Variants in GLT1D1 observed in about 807,000 individuals in gnomAD.
The protein encoded by GLT1D1 is glycosyltransferase 1 domain-containing protein 1.
GLT1D1 carries 21 observed loss-of-function variants against 28.7 expected under a neutral mutation model. That is an observed-to-expected ratio of 0.73 (90% CI 0.52 to 1.05). The LOEUF (loss-of-function observed/expected upper bound fraction) is 1.05. GLT1D1 is among the 50% of genes least tolerant of loss of function. The pLI, the probability that GLT1D1 is intolerant of heterozygous loss-of-function variation, is 0.00. For missense variants in GLT1D1, 343 were observed against 330.6 expected (o/e 1.04, Z -0.29); for synonymous variants, 147 against 124.8 (o/e 1.18, Z -1.19).
rs1363451472 is a variant in GLT1D1 at position 128,954,679 on chromosome 12, G to A, written c.541-2866G>A. 2.0e-5 allele frequency among the ~76,000 whole-genome samples: 3 copies of A among 152,200 alleles called. No individual in the cohort carries two copies. In the East Asian group the frequency reaches 5.8e-4, roughly 29 times the overall value. The stretch of plus-strand genomic sequence containing the variant: ...AAGCCATTTAATCTGGACAAGCACG[G>A]TAGCTCACACCTGTAATCCCAACAG... On this transcript the variant is annotated intron_variant, in intron 6 of 7. Transcript: ENST00000281703.
At chr12:128,964,612 C>T (rs1358017701) in intron 7 of GLT1D1, among the ~76,000 whole-genome samples, 3 of 152,190 alleles carry the variant, frequency 2.0e-5, no homozygotes, top group Non-Finnish European at 2.9e-5. Context: ...TCCAGGACGT[C>T]AACACCTTCA....
intron 3 of GLT1D1, among the ~76,000 whole-genome samples, chr12:128,898,223 A>G (rs982061286): frequency 6.7e-6 from 1 of 150,336 alleles, no homozygotes; most frequent in South Asian, 2.1e-4. Context: ...CCCAAGCTGG[A>G]GTGCAGTGGC....
intron 3 of GLT1D1, 74 bp downstream of exon 3, chr12:128,888,818 G>A (rs1252974104): frequency 7.1e-6 from 7 of 980,196 alleles, no homozygotes; most frequent in Non-Finnish European, 1.1e-5. Context: ...ACCAAAGACC[G>A]AGGGCACCAA....
intron 7 of GLT1D1, among the ~76,000 whole-genome samples, chr12:128,975,290 G>T (rs1001109591): frequency 2.0e-5 from 3 of 152,126 alleles, no homozygotes; most frequent in African/African-American, 7.2e-5. Context: ...GTCAAGCATC[G>T]TGAGTAGGGG....
chr12:128,892,984 G>T (rs1869229241), intron 3 of GLT1D1, among the ~76,000 whole-genome samples: 1 of 152,122 alleles, frequency 6.6e-6, no homozygotes, highest in Non-Finnish European at 1.5e-5. Context: ...GATGGCTAAT[G>T]CCTGTAATCC....
At chr12:128,947,938 G>A (rs747238588) in intron 6 of GLT1D1, among the ~76,000 whole-genome samples, 8 of 152,182 alleles carry the variant, frequency 5.3e-5, no homozygotes, top group Non-Finnish European at 7.3e-5. Flanking sequence ...ACGGGGTGGC[G>A]TGGGGGCCAG....
chr12:128,945,774 C>G (rs1447951303), intron 5 of GLT1D1, among the ~76,000 whole-genome samples: 1 of 152,186 alleles, frequency 6.6e-6, no homozygotes, highest in Non-Finnish European at 1.5e-5. Context: ...ATCAACAAGT[C>G]TGAGGGTGGT....
chr12:128,979,475 T>A (rs982838078), intron 7 of GLT1D1, among the ~76,000 whole-genome samples: 3 of 152,152 alleles, frequency 2.0e-5, no homozygotes, highest in African/African-American at 7.2e-5. Flanking sequence ...CCTCAGCTCT[T>A]AGAAGCTGCC....
rs563168651 is a variant in GLT1D1, at chr12:128,948,718, T to G, written c.540+1260T>G. Among the ~76,000 whole-genome samples, 449 of 118,956 alleles carry G rather than the reference T, an allele frequency of 3.8e-3. 2 individuals are homozygous for G. The highest frequency in any genetic ancestry group is 0.011 in the African/African-American group (417 of 38,176). The allele number at this position is 118,956 out of a possible 152,430, so 78.0% of individuals were successfully genotyped here. A position where few individuals can be genotyped will look rare whatever the true frequency, so the allele number is the denominator to read the frequency against. Reference sequence around the variant, plus strand: ...GGATACCAGGTGAATGTACTGAACTTACTGACAAAAGTTAAGATCTGCAAA... The same window carrying G: ...GGATACCAGGTGAATGTACTGAACTGACTGACAAAAGTTAAGATCTGCAAA... On this transcript the variant is annotated intron_variant, in intron 6 of 7. Transcript: ENST00000281703.
intron 2 of GLT1D1, among the ~76,000 whole-genome samples, chr12:128,887,463 GT>G (rs143673730): frequency 9.0e-5 from 13 of 144,282 alleles, no homozygotes; most frequent in Non-Finnish European, 1.2e-4. Flanking sequence ...ACCAATATGC[GT>G]TTTTTTTTTG....
intron 1 of GLT1D1, among the ~76,000 whole-genome samples, chr12:128,863,655 G>A (rs977419654): frequency 2.6e-5 from 4 of 152,204 alleles, no homozygotes; most frequent in African/African-American, 4.8e-5. Flanking sequence ...TGGGATTACA[G>A]GCGTGAGCCA....
At chr12:128,978,744 A>G (rs960173251) in intron 7 of GLT1D1, among the ~76,000 whole-genome samples, 4 of 152,208 alleles carry the variant, frequency 2.6e-5, no homozygotes, top group African/African-American at 9.6e-5. Flanking sequence ...CTCCGTAGAC[A>G]GAGCACCGTG....
intron 7 of GLT1D1, among the ~76,000 whole-genome samples, chr12:128,982,564 G>A (rs547905418): frequency 1.5e-3 from 232 of 152,324 alleles, no homozygotes; most frequent in African/African-American, 5.2e-3. Flanking sequence ...ACTCATGAGA[G>A]GGAAGACATT....
intron 4 of GLT1D1, among the ~76,000 whole-genome samples, chr12:128,920,425 A>G (rs1026223555): frequency 1.3e-5 from 2 of 152,058 alleles, no homozygotes; most frequent in African/African-American, 2.4e-5. Context: ...GTGGTAGTGC[A>G]TGTCTGTAAT....
chr12:128,924,068 C>T (rs1449178394), intron 4 of GLT1D1, among the ~76,000 whole-genome samples: 3 of 152,134 alleles, frequency 2.0e-5, no homozygotes, highest in Non-Finnish European at 4.4e-5. Context: ...GCCCAACCCT[C>T]ACTGGGTCCT....
Position 128,983,489 on chromosome 12 carries a change from G to A in GLT1D1, c.*399G>A, listed in dbSNP as rs564459149. 56 of 167,054 alleles carry A rather than the reference G, an allele frequency of 3.4e-4. No homozygotes were observed. The highest frequency in any genetic ancestry group is 1.3e-3 in the African/African-American group (54 of 42,142). 10.3% of individuals were successfully genotyped at this position (167,054 alleles called of 1,614,324 possible). On this transcript the variant is annotated 3_prime_UTR_variant, in exon 8 of 8. Transcript: ENST00000281703. The surrounding 1 kb of genome is among the most constrained non-coding windows in gnomAD (Gnocchi z 4.7). ...GCCTTCTGACCAACCTCTCCCCATC[G>A]TTGCCAGTTTGAAAGGCAAAAGCAA...
chr12:128,945,208 G>A (rs1315525788), intron 4 of GLT1D1, 118 bp from the exon 9 acceptor site: 3 of 1,026,614 alleles, frequency 2.9e-6, no homozygotes, highest in African/African-American at 1.6e-5. Flanking sequence ...CACCCCCGTG[G>A]CCGCAGACCG....
intron 1 of GLT1D1, among the ~76,000 whole-genome samples, chr12:128,870,992 AAAAC>A (rs1399435735): frequency 6.6e-6 from 1 of 152,162 alleles, no homozygotes; most frequent in Non-Finnish European, 1.5e-5. Context: ...CCGTATCTCA[AAAAC>A]AAACAAACAA....
chr12:128,878,807 G>T (rs11059992), intron 2 of GLT1D1, among the ~76,000 whole-genome samples: 127 of 152,106 alleles, frequency 8.3e-4, no homozygotes, highest in African/African-American at 2.9e-3. Context: ...TAGAGACAAG[G>T]TCTTGCCATG....
Sources: gnomAD v4.1 joint callset for allele counts (sites outside exome capture counted in the v4.1 genomes callset) on GRCh38, gnomAD v4.1.1 for gene constraint, Gnocchi (gnomAD v3.1) non-coding constraint, MANE v1.5 for transcripts, NCBI Gene and HGNC (gene_info 2026-07-23, HGNC 2026-07-21) for gene names.